The following PTPN4 variants were observed in gnomAD, a reference collection of about 807,000 sequenced individuals.
PTPN4 encodes tyrosine-protein phosphatase non-receptor type 4.
In PTPN4, 49 loss-of-function variants were observed where a neutral mutation model predicts 135.5. The observed-to-expected ratio is 0.36, with a 90% confidence interval of 0.29 to 0.46. The LOEUF is 0.46. Ranked by LOEUF, PTPN4 falls within the 20% of genes least tolerant of loss-of-function variation. The pLI is 1.00. For synonymous variants in PTPN4, 333 were observed against 369.9 expected (o/e 0.90, Z 1.14); for missense variants, 860 against 1,101.0 (o/e 0.78, Z 3.10).
chr2:119,766,460 G>GTGTGTGTGTGTGTGTGTC (rs1558718925), intron 1 of PTPN4, among the ~76,000 whole-genome samples: 3 of 140,058 alleles, frequency 2.1e-5, no homozygotes, highest in African/African-American at 8.6e-5. Flanking sequence ...GTGTGTGTGT[G>GTGTGTGTGTGTGTGTGTC]TGTGTGTGTG....
At chr2:119,923,166 G>A (rs982832951) in intron 12 of PTPN4, among the ~76,000 whole-genome samples, 22 of 152,166 alleles carry the variant, frequency 1.4e-4, no homozygotes, top group Non-Finnish European at 3.1e-4. Context: ...TTGAGGCCAG[G>A]AGTTCAAGTC....
intron 1 of PTPN4, among the ~76,000 whole-genome samples, chr2:119,765,335 A>C (rs978948021): frequency 6.6e-6 from 1 of 152,198 alleles, no homozygotes; most frequent in Non-Finnish European, 1.5e-5. Context: ...ACTGATTTAG[A>C]CATTTACATT....
chr2:119,975,393 G>A (rs1300962424), intron 26 of PTPN4, among the ~76,000 whole-genome samples: 1 of 152,188 alleles, frequency 6.6e-6, no homozygotes, highest in African/African-American at 2.4e-5. Flanking sequence ...TGGTATTACA[G>A]GCATGAGCCA....
intron 22 of PTPN4, among the ~76,000 whole-genome samples, chr2:119,958,392 A>G (rs1280155266): frequency 6.6e-6 from 1 of 152,084 alleles, no homozygotes. Flanking sequence ...TTCATAGAAA[A>G]GGAAATTATG....
intron 15 of PTPN4, among the ~76,000 whole-genome samples, chr2:119,938,694 TA>T (rs1036829748): frequency 1.7e-4 from 26 of 152,152 alleles, no homozygotes; most frequent in African/African-American, 6.3e-4. Flanking sequence ...AAAAGGGATT[TA>T]AAATAGTCAT....
At chr2:119,835,271 G>A (rs778355655) in intron 2 of PTPN4, among the ~76,000 whole-genome samples, 4 of 151,966 alleles carry the variant, frequency 2.6e-5, no homozygotes, top group Non-Finnish European at 4.4e-5. Context: ...TGCAACCTTC[G>A]TCCCCTGGGT....
At chr2:119,954,423 C>A (rs1325631611) in intron 19 of PTPN4, among the ~76,000 whole-genome samples, 1 of 152,206 alleles carries the variant, frequency 6.6e-6, no homozygotes, top group South Asian at 2.1e-4. Flanking sequence ...CTCTCCAGAT[C>A]TTCATGGGTA....
rs1212235946 is a variant in PTPN4, at chr2:119,920,249, T to C, written c.1001+8T>C. ...TTCAAAATTCCGGTACTGGTAAGTATTGCTTCTGTGTTAAGGCTTTATTGT... is the reference window on the plus strand; with the variant it reads ...TTCAAAATTCCGGTACTGGTAAGTACTGCTTCTGTGTTAAGGCTTTATTGT... On this transcript the variant is annotated splice_region_variant and intron_variant, in intron 12 of 26. Coordinates refer to ENST00000263708, the MANE Select transcript of PTPN4 (RefSeq NM_002830.4). The C allele has an allele frequency of 6.3e-7, 1 of 1,599,028 alleles. No homozygotes were observed. Among genetic ancestry groups the C allele is most frequent in the South Asian group, 1.1e-5 (1 of 89,162 alleles).
At position 119,984,540 on chromosome 2, in the gene PTPN4, G is replaced by T. The variant is rs376435723; in HGVS notation, c.*7470G>T. ...GAAGCTAAGGGTTTATTTAAAATGT[G>T]TATAAGCTTGAATTTGGTCAACACT... is the stretch of plus-strand genomic sequence containing the variant. On this transcript the variant is annotated 3_prime_UTR_variant, in exon 27 of 27. Coordinates refer to ENST00000263708, the MANE Select transcript of PTPN4 (RefSeq NM_002830.4). 3.3e-5 allele frequency among the ~76,000 whole-genome samples: 5 copies of T among 152,120 alleles called. No homozygotes were observed. The East Asian group carries it at 7.7e-4, about 23-fold the overall frequency.
At position 119,854,795 on chromosome 2, in the gene PTPN4, C is replaced by T. The variant is rs116709769; in HGVS notation, c.139-7741C>T. On this transcript the variant is annotated intron_variant, in intron 2 of 26. Transcript: ENST00000263708. ...TTCATTAAAGAGGGATTATGGCCAC[C>T]CGGGCTGAAGCCTGCGTTGTTTCTT... 3.3e-3 allele frequency among the ~76,000 whole-genome samples: 509 copies of T among 152,296 alleles called. 5 individuals carry two copies. The highest frequency in any genetic ancestry group is 0.011 in the African/African-American group (454 of 41,558).
chr2:119,875,108 G>A (rs1172364616), intron 3 of PTPN4, among the ~76,000 whole-genome samples: 1 of 152,056 alleles, frequency 6.6e-6, no homozygotes, highest in Admixed American at 6.6e-5. Flanking sequence ...TTCTATTAGT[G>A]TCAGTTTTTT....
At position 119,977,118 on chromosome 2, in the gene PTPN4, T is replaced by C; in HGVS notation, c.*48T>C. The C allele has an allele frequency of 1.3e-6, 2 of 1,546,522 alleles. No individual in the cohort carries two copies. The highest frequency in any genetic ancestry group is 1.7e-6 in the Non-Finnish European group (2 of 1,153,666). On this transcript the variant is annotated 3_prime_UTR_variant, in exon 27 of 27. Coordinates refer to ENST00000263708, the MANE Select transcript of PTPN4 (RefSeq NM_002830.4). Reference sequence around the variant, plus strand: ...TGTGTTGGAAAACTGCTTTCCCTTATGTTCACTGTGCCATAATGCTGCTCG... The same window carrying C: ...TGTGTTGGAAAACTGCTTTCCCTTACGTTCACTGTGCCATAATGCTGCTCG...
At chr2:119,840,798 G>T (rs1046399334) in intron 2 of PTPN4, among the ~76,000 whole-genome samples, 1 of 152,164 alleles carries the variant, frequency 6.6e-6, no homozygotes, top group Non-Finnish European at 1.5e-5. Context: ...GTGTGAGATG[G>T]TATCTCATTG....
At chr2:119,956,600 C>G (rs1679290363) in intron 20 of PTPN4, among the ~76,000 whole-genome samples, 5 of 152,160 alleles carry the variant, frequency 3.3e-5, no homozygotes, top group Admixed American at 2.6e-4. Flanking sequence ...CTGCTGTAAG[C>G]AGAATTGGTT....
intron 8 of PTPN4, among the ~76,000 whole-genome samples, chr2:119,884,182 G>A (rs538938814): frequency 2.1e-4 from 32 of 152,368 alleles, no homozygotes; most frequent in African/African-American, 6.7e-4. Flanking sequence ...ACAGGCGTGA[G>A]CCACCACGCC....
At chr2:119,952,284 T>C (rs889538200) in intron 19 of PTPN4, among the ~76,000 whole-genome samples, 155 bp downstream of exon 19, 1 of 152,120 alleles carries the variant, frequency 6.6e-6, no homozygotes, top group African/African-American at 2.4e-5. Context: ...GAATTCAAGT[T>C]CTTTGCCCCC....
At chr2:119,922,027 C>T (rs1467263669) in intron 12 of PTPN4, among the ~76,000 whole-genome samples, 1 of 151,996 alleles carries the variant, frequency 6.6e-6, no homozygotes, top group Non-Finnish European at 1.5e-5. Flanking sequence ...TCAAGCAAGT[C>T]TCAGACAAGA....
At chr2:119,858,720 C>T (rs1487525620) in intron 2 of PTPN4, among the ~76,000 whole-genome samples, 1 of 151,922 alleles carries the variant, frequency 6.6e-6, no homozygotes, top group Non-Finnish European at 1.5e-5. Flanking sequence ...GCCATCTCTG[C>T]CTCCCAGGTT....
At position 119,869,040 on chromosome 2, in the gene PTPN4, C is replaced by T. The variant is rs985641173; in HGVS notation, c.246+6397C>T. ...AACATGTCTCATAAAGCCTTGTATA[C>T]AAATGTTCACAGTAGTTTTATTCAT... On this transcript the variant is annotated intron_variant, in intron 3 of 26. Transcript: ENST00000263708. Among the ~76,000 whole-genome samples the T allele has an allele frequency of 5.3e-5, 8 of 152,256 alleles. No individual in the cohort carries two copies. In the South Asian group the frequency reaches 1.0e-3, roughly 20 times the overall value.
Sources: allele counts gnomAD v4.1 joint callset (sites outside exome capture counted in the v4.1 genomes callset), GRCh38; gene constraint gnomAD v4.1.1; transcripts MANE v1.5; gene names NCBI Gene and HGNC (gene_info 2026-07-23, HGNC 2026-07-21).